The following RMST variants were observed in gnomAD, a reference collection of about 807,000 sequenced individuals.
The protein encoded by RMST is rhabdomyosarcoma 2 associated transcript.
chr12:97,513,756 G>T (rs1382111902), intron 10 of RMST, among the ~76,000 whole-genome samples: 4 of 152,270 alleles, frequency 2.6e-5, no homozygotes, highest in African/African-American at 9.6e-5. Flanking sequence ...GGATCAATTG[G>T]AGTGTCTTGG....
chr12:97,500,317 G>A (rs1877945962), intron 10 of RMST, among the ~76,000 whole-genome samples: 2 of 152,080 alleles, frequency 1.3e-5, no homozygotes, highest in Admixed American at 6.5e-5. Flanking sequence ...GTATGACATG[G>A]TCATATACTG....
At chr12:97,524,264 C>T (rs1038918915) in intron 10 of RMST, among the ~76,000 whole-genome samples, 1 of 151,820 alleles carries the variant, frequency 6.6e-6, no homozygotes, top group African/African-American at 2.4e-5. Context: ...GGCTCCATCT[C>T]GGACCTACTG....
chr12:97,557,968 G>A (rs187828261), intron 11 of RMST, among the ~76,000 whole-genome samples: 1 of 149,706 alleles, frequency 6.7e-6, no homozygotes, highest in Non-Finnish European at 1.5e-5. Flanking sequence ...GCTTAGAGAG[G>A]GAGATTGTAT....
intron 5 of RMST, among the ~76,000 whole-genome samples, chr12:97,487,524 C>T (rs138542009): frequency 0.013 from 2,049 of 152,150 alleles, 46 homozygotes; most frequent in African/African-American, 0.046. Context: ...ATCTGAAAAG[C>T]ACGTTTGATG....
intron 5 of RMST, among the ~76,000 whole-genome samples, chr12:97,469,396 T>G (rs1873624787): frequency 6.6e-6 from 1 of 152,056 alleles, no homozygotes; most frequent in Admixed American, 6.6e-5. Flanking sequence ...TTGGTTTTAC[T>G]GTTTTTATGC....
intron 5 of RMST, among the ~76,000 whole-genome samples, chr12:97,469,926 T>C (rs190471983): frequency 6.6e-6 from 1 of 152,138 alleles, no homozygotes; most frequent in Non-Finnish European, 1.5e-5. Flanking sequence ...TTAGATCTCA[T>C]ACCATTTGGC....
At chr12:97,526,809 A>G (rs1294664533) in intron 10 of RMST, among the ~76,000 whole-genome samples, 1 of 152,110 alleles carries the variant, frequency 6.6e-6, no homozygotes, top group Non-Finnish European at 1.5e-5. Flanking sequence ...TGTTTGCTAC[A>G]CTGTACTGTT....
At position 97,563,315 on chromosome 12, in the gene RMST, A is replaced by G. The variant is rs913925551; in HGVS notation, n.1959-835A>G. The G allele has an allele frequency of 7.1e-5, 12 of 168,990 alleles. No individual in the cohort carries two copies. In the South Asian group the frequency reaches 1.9e-3, roughly 27 times the overall value. The allele number at this position is 168,990 out of a possible 1,614,324, so 10.5% of individuals were successfully genotyped here. A position where few individuals can be genotyped will look rare whatever the true frequency, so the allele number is the denominator to read the frequency against. On this transcript the variant is annotated intron_variant and non_coding_transcript_variant, in intron 13 of 13. Transcript: ENST00000640149. ...TATTTCCTTTTTGTTATTTAGGTGT[A>G]GAGAAAGCTTAACGCTTACATAGTC...
chr12:97,523,256 CT>C (rs1303539659), intron 10 of RMST, among the ~76,000 whole-genome samples: 1 of 152,202 alleles, frequency 6.6e-6, no homozygotes, highest in East Asian at 1.9e-4. Flanking sequence ...ATAATTATCG[CT>C]CTTTTAAAAT....
At chr12:97,542,752 G>T (rs1282327413) in intron 11 of RMST, among the ~76,000 whole-genome samples, 1 of 151,954 alleles carries the variant, frequency 6.6e-6, no homozygotes, top group Non-Finnish European at 1.5e-5. Context: ...CAGAGTTTCG[G>T]TGTATTTGGA....
At chr12:97,475,330 G>A (rs575814003) in intron 5 of RMST, among the ~76,000 whole-genome samples, 1 of 152,196 alleles carries the variant, frequency 6.6e-6, no homozygotes, top group Admixed American at 6.5e-5. Flanking sequence ...TGGAACACAG[G>A]CATCTATGTC....
At chr12:97,549,018 A>G (rs1883134951) in intron 11 of RMST, among the ~76,000 whole-genome samples, 1 of 152,194 alleles carries the variant, frequency 6.6e-6, no homozygotes, top group South Asian at 2.1e-4. Flanking sequence ...TGATTTGAGA[A>G]CATCAACAAA....
At chr12:97,543,550 C>T (rs1226542214) in intron 11 of RMST, among the ~76,000 whole-genome samples, 1 of 152,014 alleles carries the variant, frequency 6.6e-6, no homozygotes, top group Non-Finnish European at 1.5e-5. Flanking sequence ...TCCCTTTGTG[C>T]TGAAGCTGGC....
Position 97,527,955 on chromosome 12 carries a change from T to TA in RMST, n.1341-2694dup, listed in dbSNP as rs552944227. Among the ~76,000 whole-genome samples, 1,449 of 152,166 alleles carry TA rather than the reference T, an allele frequency of 9.5e-3. 25 individuals are homozygous for TA. The highest frequency in any genetic ancestry group is 0.033 in the African/African-American group (1,382 of 41,528). Reference sequence around the variant, plus strand: ...AGAATTATTTATATGATGGTTATAATAAAAAATAATAACTAAGATATATAA... The same window carrying TA: ...AGAATTATTTATATGATGGTTATAATAAAAAAATAATAACTAAGATATATAA... On this transcript the variant is annotated intron_variant and non_coding_transcript_variant, in intron 10 of 13. Coordinates refer to ENST00000640149, the Ensembl canonical transcript of RMST.
intron 10 of RMST, among the ~76,000 whole-genome samples, chr12:97,510,131 T>C (rs554691720): frequency 6.6e-6 from 1 of 152,208 alleles, no homozygotes; most frequent in South Asian, 2.1e-4. Flanking sequence ...ATGGAAGACA[T>C]AGTAAGTATC....
intron 11 of RMST, among the ~76,000 whole-genome samples, chr12:97,531,056 G>A (rs61943702): frequency 0.063 from 9,447 of 148,920 alleles, 429 homozygotes; most frequent in East Asian, 0.19. Flanking sequence ...TAACTAAACA[G>A]CTTTTGATGA....
intron 5 of RMST, among the ~76,000 whole-genome samples, chr12:97,478,594 G>T (rs1201751691): frequency 1.3e-5 from 2 of 152,180 alleles, no homozygotes; most frequent in African/African-American, 4.8e-5. Context: ...AAACACCAGT[G>T]AGTATAATTG....
At chr12:97,525,342 T>C (rs1880984096) in intron 10 of RMST, among the ~76,000 whole-genome samples, 1 of 152,158 alleles carries the variant, frequency 6.6e-6, no homozygotes. Flanking sequence ...CAATGCTGTG[T>C]GTACTGCTGA....
At chr12:97,562,205 A>G (rs527970959) in intron 13 of RMST, among the ~76,000 whole-genome samples, 4 of 152,190 alleles carry the variant, frequency 2.6e-5, no homozygotes, top group Non-Finnish European at 4.4e-5. Context: ...CCAAACTTGT[A>G]GAAAGAACCC....
Sources: gnomAD v4.1 joint callset for allele counts (sites outside exome capture counted in the v4.1 genomes callset) on GRCh38, gnomAD v4.1.1 for gene constraint, MANE v1.5 for transcripts, NCBI Gene and HGNC (gene_info 2026-07-23, HGNC 2026-07-21) for gene names.